Variants in ST8SIA6 observed in about 807,000 individuals in gnomAD.
ST8SIA6 encodes alpha-2,8-sialyltransferase 8F.
A neutral mutation model predicts 33.6 loss-of-function variants in ST8SIA6; 39 were observed. The ratio of observed to expected loss-of-function variants is 1.16; its 90% CI spans 0.90 to 1.52. ST8SIA6 has a LOEUF of 1.52. ST8SIA6 is among the 40% of genes most tolerant of loss of function. The pLI is 0.00. For synonymous variants in ST8SIA6, 172 were observed against 167.2 expected, an observed-to-expected ratio of 1.03 and a Z score of -0.22; for missense variants, 441 against 443.8, an observed-to-expected ratio of 0.99 and a Z score of 0.06.
intron 2 of ST8SIA6, among the ~76,000 whole-genome samples, chr10:17,390,914 A>C (rs1279280825): frequency 1.3e-5 from 2 of 151,032 alleles, no homozygotes; most frequent in African/African-American, 2.4e-5. Context: ...GCTGGCGTGC[A>C]ATGGCACAAT....
At chr10:17,348,651 A>G (rs1333996863) in intron 4 of ST8SIA6, among the ~76,000 whole-genome samples, 2 of 152,178 alleles carry the variant, frequency 1.3e-5, no homozygotes, top group Non-Finnish European at 2.9e-5. Context: ...CGCGCATCTC[A>G]GGCATTGTTC....
At chr10:17,350,087 T>C (rs746376981) in intron 4 of ST8SIA6, among the ~76,000 whole-genome samples, 11 of 152,182 alleles carry the variant, frequency 7.2e-5, no homozygotes, top group Non-Finnish European at 1.2e-4. Flanking sequence ...GGTTCTAAAC[T>C]GGTTGGGACA....
Position 17,321,053 on chromosome 10 carries a change from T to C in ST8SIA6, c.1022A>G (p.Tyr341Cys), listed in dbSNP as rs1376691969. Residue 341 changes from tyrosine to cysteine, a missense_variant, in exon 8 of 8, where the codon TAT (tyrosine) becomes TGT (cysteine). Transcript: ENST00000377602. ...AVELCKNVKL[Y>C]GFWPFSKTVE... Reference sequence around the variant, plus strand: ...AGTTTTAGAGAAGGGCCAGAATCCATACAGCTTCACATTTTTACACAGTTC... The same window carrying C: ...AGTTTTAGAGAAGGGCCAGAATCCACACAGCTTCACATTTTTACACAGTTC... The C allele has an allele frequency of 1.2e-6, 2 of 1,614,104 alleles. No individual in the cohort carries two copies. Among genetic ancestry groups the C allele is most frequent in the East Asian group, 2.2e-5 (1 of 44,878 alleles).
chr10:17,439,915 C>T (rs1382017677), intron 2 of ST8SIA6, among the ~76,000 whole-genome samples: 1 of 152,156 alleles, frequency 6.6e-6, no homozygotes, highest in Non-Finnish European at 1.5e-5. Context: ...GAGGTATTTT[C>T]AATTGTACAA....
chr10:17,452,766 A>T (rs575461428), intron 2 of ST8SIA6, among the ~76,000 whole-genome samples: 42 of 152,334 alleles, frequency 2.8e-4, no homozygotes, highest in African/African-American at 9.9e-4. Context: ...TTATGCAACA[A>T]TCCAAAGCAA....
chr10:17,333,702 TATATATATATATATA>T (rs1304832789), intron 4 of ST8SIA6, among the ~76,000 whole-genome samples: 11 of 28,594 alleles, frequency 3.8e-4, no homozygotes, highest in South Asian at 9.5e-4. Flanking sequence ...TATATATATA[TATATATATATATATA>T]TTTTTTTTTT....
intron 4 of ST8SIA6, among the ~76,000 whole-genome samples, chr10:17,342,672 T>A (rs562692188): frequency 2.8e-4 from 42 of 152,234 alleles, no homozygotes; most frequent in African/African-American, 1.0e-3. Flanking sequence ...AAGAACAGCC[T>A]GGGCACAGTG....
At chr10:17,378,478 A>G (rs968507052) in intron 3 of ST8SIA6, among the ~76,000 whole-genome samples, 2 of 152,132 alleles carry the variant, frequency 1.3e-5, no homozygotes, top group Non-Finnish European at 2.9e-5. Context: ...GGTCCGATGG[A>G]GCAAAGGCCA....
intron 2 of ST8SIA6, among the ~76,000 whole-genome samples, chr10:17,429,455 C>T (rs186840989): frequency 6.2e-4 from 94 of 151,796 alleles, no homozygotes; most frequent in East Asian, 2.1e-3. Context: ...AGCTCGTCCC[C>T]GGAGACACAG....
At chr10:17,391,249 T>TTTTA (rs1323963927) in intron 2 of ST8SIA6, among the ~76,000 whole-genome samples, 1 of 150,756 alleles carries the variant, frequency 6.6e-6, no homozygotes, top group Non-Finnish European at 1.5e-5. Context: ...TGTGTGTTTA[T>TTTTA]TTTATTTTTA....
At chr10:17,411,172 T>TTGTGTGTG (rs72283269) in intron 2 of ST8SIA6, among the ~76,000 whole-genome samples, 5 of 149,954 alleles carry the variant, frequency 3.3e-5, no homozygotes, top group Non-Finnish European at 7.4e-5. Flanking sequence ...CTTGAACTCT[T>TTGTGTGTG]TGTGTGTGTG....
intron 2 of ST8SIA6, among the ~76,000 whole-genome samples, chr10:17,436,842 G>C (rs1238149373): frequency 6.6e-6 from 1 of 152,116 alleles, no homozygotes; most frequent in Non-Finnish European, 1.5e-5. Context: ...ATAAAGGGTA[G>C]TTTTCCTGCA....
At chr10:17,411,898 T>C (rs1178608559) in intron 2 of ST8SIA6, among the ~76,000 whole-genome samples, 1 of 150,290 alleles carries the variant, frequency 6.7e-6, no homozygotes, top group Non-Finnish European at 1.5e-5. Context: ...TATATTTGCA[T>C]TTCAGAAAAT....
intron 2 of ST8SIA6, among the ~76,000 whole-genome samples, chr10:17,393,923 C>T (rs1223257367): frequency 6.6e-6 from 1 of 152,184 alleles, no homozygotes; most frequent in Non-Finnish European, 1.5e-5. Context: ...TCATTCTCCA[C>T]GCATCACCTT....
chr10:17,385,592 TTGG>T (rs1850309422), intron 3 of ST8SIA6, among the ~76,000 whole-genome samples: 1 of 152,014 alleles, frequency 6.6e-6, no homozygotes, highest in Non-Finnish European at 1.5e-5. Flanking sequence ...CACAAGGTGC[TTGG>T]TGGGGAGAGC....
intron 2 of ST8SIA6, among the ~76,000 whole-genome samples, chr10:17,452,958 ACT>A (rs1352563783): frequency 6.6e-6 from 1 of 152,102 alleles, no homozygotes; most frequent in African/African-American, 2.4e-5. Flanking sequence ...AGAGGTAAGG[ACT>A]CTGAATGAAT....
chr10:17,340,903 C>G (rs74117638), intron 4 of ST8SIA6, among the ~76,000 whole-genome samples: 2,122 of 152,340 alleles, frequency 0.014, 48 homozygotes, highest in African/African-American at 0.048. Context: ...TGCCCAGCCT[C>G]CACACACAGT....
In ST8SIA6 at chr10:17,391,674, A is replaced by G. The variant is rs144346360; in HGVS notation, c.201-1054T>C. On this transcript the variant is annotated intron_variant, in intron 2 of 7. Transcript: ENST00000377602. ...GCCTTTGATTATTCTGATAGCTGCA[A>G]TATACTGGCCTGGTGCTATTTGTTT... 2.0e-3 allele frequency among the ~76,000 whole-genome samples: 297 copies of G among 152,294 alleles called. 1 individual carries two copies. Among genetic ancestry groups the G allele is most frequent in the African/African-American group, 6.9e-3 (288 of 41,562 alleles).
intron 2 of ST8SIA6, among the ~76,000 whole-genome samples, chr10:17,442,199 A>C (rs372098413): frequency 1.3e-5 from 2 of 152,216 alleles, no homozygotes; most frequent in African/African-American, 4.8e-5. Context: ...TATGTGTCTC[A>C]TTCTGCCAAA....
Sources: allele counts gnomAD v4.1 joint callset (sites outside exome capture counted in the v4.1 genomes callset), GRCh38; gene constraint gnomAD v4.1.1; transcripts MANE v1.5; gene names NCBI Gene and HGNC (gene_info 2026-07-23, HGNC 2026-07-21).